The following ETV6 variants were observed in gnomAD, a reference collection of about 807,000 sequenced individuals.
ETV6 encodes the protein ETS variant transcription factor 6, also known as transcription factor ETV6.
A neutral mutation model predicts 51.1 loss-of-function variants in ETV6; 16 were observed. The ratio of observed to expected loss-of-function variants is 0.31; its 90% CI spans 0.21 to 0.48. The LOEUF (loss-of-function observed/expected upper bound fraction) is 0.48, where lower values mean the gene tolerates loss of function less well. Ranked by LOEUF, ETV6 falls within the 20% of genes least tolerant of loss-of-function variation. ETV6 has a pLI of 0.99. For missense variants in ETV6, 458 were observed against 594.8 expected (o/e 0.77, Z 2.39); for synonymous variants, 240 against 224.1 (o/e 1.07, Z -0.64).
chr12:11,675,552 T>C (rs1295474507), intron 1 of ETV6, among the ~76,000 whole-genome samples: 1 of 152,210 alleles, frequency 6.6e-6, no homozygotes, highest in Non-Finnish European at 1.5e-5. Flanking sequence ...TGGCTCATGC[T>C]TATATTCTCA....
At chr12:11,720,794 G>A (rs947883687) in intron 1 of ETV6, among the ~76,000 whole-genome samples, 5 of 152,102 alleles carry the variant, frequency 3.3e-5, no homozygotes, top group African/African-American at 4.8e-5. Context: ...GCAACCTACC[G>A]AATGGGAGAA....
At chr12:11,836,911 T>G (rs1946324641) in intron 2 of ETV6, among the ~76,000 whole-genome samples, 1 of 152,218 alleles carries the variant, frequency 6.6e-6, no homozygotes, top group South Asian at 2.1e-4. Flanking sequence ...GAACCAGACC[T>G]TCACATGTGT....
intron 4 of ETV6, among the ~76,000 whole-genome samples, chr12:11,866,266 C>A (rs1303447515): frequency 6.6e-6 from 1 of 151,832 alleles, no homozygotes; most frequent in Non-Finnish European, 1.5e-5. Flanking sequence ...CCATGATTTT[C>A]TTTTAGGGCT....
chr12:11,869,748 C>A lies in ETV6; in HGVS notation c.788C>A (p.Thr263Lys). Reference protein sequence around the residue: ...PKPSSPRQESTRVIQLMPSPI... With the variant: ...PKPSSPRQESKRVIQLMPSPI... The stretch of plus-strand genomic sequence containing the variant: ...CCATCCAGCCCCCGGCAGGAGAGCA[C>A]ACGCGTGATCCAGCTGATGCCCAGC... The change falls in exon 5 of 8, where the codon ACA becomes AAA. Residue 263 changes from threonine to lysine, a missense_variant. Transcript: ENST00000396373. The surrounding 1 kb of genome is among the most constrained non-coding windows in gnomAD (Gnocchi z 5.0). 1.2e-6 allele frequency: 2 copies of A among 1,613,740 alleles called. No homozygotes were observed. Among genetic ancestry groups the A allele is most frequent in the Non-Finnish European group, 1.7e-6 (2 of 1,180,014 alleles).
intron 1 of ETV6, among the ~76,000 whole-genome samples, chr12:11,668,897 T>C (rs1434117505): frequency 6.6e-6 from 1 of 152,174 alleles, no homozygotes; most frequent in East Asian, 1.9e-4. Context: ...ATCCCTGTGC[T>C]CAAAGATGGG....
At chr12:11,890,809 T>C in intron 7 of ETV6, 132 bp from the exon 8 acceptor site, 2 of 744,246 alleles carry the variant, frequency 2.7e-6, no homozygotes, top group Middle Eastern at 2.4e-4. Context: ...AAGTTAACAT[T>C]AATCTCGGGG....
rs1442333207 is a variant in ETV6, at chr12:11,883,101, C to T, written c.1010-1344C>T. Among the ~76,000 whole-genome samples the T allele has an allele frequency of 2.0e-5, 3 of 152,086 alleles. No individual in the cohort carries two copies. The East Asian group carries it at 5.8e-4, about 29-fold the overall frequency. ...CATTTCCAGAACCATGCAGTGAACA[C>T]CTGGAAATTGGTGCTGCTCCTCATC... On this transcript the variant is annotated intron_variant, in intron 5 of 7. Transcript: ENST00000396373.
At chr12:11,812,775 A>AT (rs1394758493) in intron 2 of ETV6, among the ~76,000 whole-genome samples, 3 of 152,264 alleles carry the variant, frequency 2.0e-5, no homozygotes, top group South Asian at 4.1e-4. Context: ...AAGGCCTAAG[A>AT]TTTAAAGGGT....
intron 2 of ETV6, among the ~76,000 whole-genome samples, chr12:11,790,682 T>C (rs1591675565): frequency 7.1e-6 from 1 of 140,608 alleles, no homozygotes; most frequent in East Asian, 2.0e-4. Context: ...GGATAAACTT[T>C]TTTTTTTTTT....
At chr12:11,815,405 G>C (rs1945976616) in intron 2 of ETV6, among the ~76,000 whole-genome samples, 1 of 152,172 alleles carries the variant, frequency 6.6e-6, no homozygotes, top group South Asian at 2.1e-4. Flanking sequence ...TCCACATGGA[G>C]AGTCCTCTTG....
chr12:11,805,096 T>C (rs997410590), intron 2 of ETV6, among the ~76,000 whole-genome samples: 1 of 152,274 alleles, frequency 6.6e-6, no homozygotes, highest in South Asian at 2.1e-4. Context: ...GTTGCTGGGC[T>C]GGGGGAGGGT....
intron 1 of ETV6, among the ~76,000 whole-genome samples, chr12:11,728,977 G>T (rs1865543830): frequency 6.6e-6 from 1 of 152,180 alleles, no homozygotes; most frequent in Admixed American, 6.5e-5. Context: ...ATATCAAAAT[G>T]ATAATATGTA....
intron 1 of ETV6, among the ~76,000 whole-genome samples, chr12:11,725,039 CCCCACTTCCCTG>C (rs1262082701): frequency 6.6e-6 from 1 of 152,150 alleles, no homozygotes; most frequent in Non-Finnish European, 1.5e-5. Context: ...CTTACGGCCA[CCCCACTTCCCTG>C]CCCACTTCCC....
intron 1 of ETV6, among the ~76,000 whole-genome samples, chr12:11,718,603 TAAAA>T (rs35535946): frequency 1.9e-5 from 2 of 105,652 alleles, no homozygotes. Context: ...CCATCGCTAC[TAAAA>T]AAAAAAAAAA....
At chr12:11,794,647 T>G (rs1312763778) in intron 2 of ETV6, among the ~76,000 whole-genome samples, 1 of 152,228 alleles carries the variant, frequency 6.6e-6, no homozygotes, top group African/African-American at 2.4e-5. Flanking sequence ...GTATTTTCCT[T>G]TTATACTCTA....
intron 3 of ETV6, among the ~76,000 whole-genome samples, chr12:11,849,005 G>A (rs1008540336): frequency 6.6e-6 from 1 of 152,200 alleles, no homozygotes; most frequent in Non-Finnish European, 1.5e-5. Context: ...TCAGCCATTA[G>A]CTAAGTTAGA....
chr12:11,671,498 A>G (rs2120697971), intron 1 of ETV6, among the ~76,000 whole-genome samples: 1 of 152,344 alleles, frequency 6.6e-6, no homozygotes, highest in Non-Finnish European at 1.5e-5. Context: ...GAATGTTTCT[A>G]GTATAAAGGA....
intron 2 of ETV6, among the ~76,000 whole-genome samples, chr12:11,766,095 C>T (rs919389520): frequency 3.3e-5 from 5 of 152,134 alleles, no homozygotes; most frequent in South Asian, 2.1e-4. Flanking sequence ...GGGTCGGTTT[C>T]GGTGGGGTCC....
chr12:11,827,172 G>A (rs1328322233), intron 2 of ETV6, among the ~76,000 whole-genome samples: 1 of 149,984 alleles, frequency 6.7e-6, no homozygotes, highest in East Asian at 2.0e-4. Flanking sequence ...TTTTTTGTTT[G>A]TTTGTTTCAT....
Sources: gnomAD v4.1 joint callset for allele counts (sites outside exome capture counted in the v4.1 genomes callset) on GRCh38, gnomAD v4.1.1 for gene constraint, Gnocchi (gnomAD v3.1) non-coding constraint, MANE v1.5 for transcripts, NCBI Gene and HGNC (gene_info 2026-07-23, HGNC 2026-07-21) for gene names.